MIA2: variants seen among roughly 807,000 people sequenced by gnomAD.
The protein encoded by MIA2 is melanoma inhibitory activity protein 2.
A neutral mutation model predicts 167.8 loss-of-function variants in MIA2; 127 were observed. The ratio of observed to expected loss-of-function variants is 0.76; its 90% confidence interval spans 0.66 to 0.88. The LOEUF (loss-of-function observed/expected upper bound fraction) is 0.88, where lower values mean the gene tolerates loss of function less well. MIA2 is among the 40% of genes least tolerant of loss of function. The probability of loss-of-function intolerance (pLI) is 0.00; values close to 1 mark genes in which losing one functional copy is unlikely to be tolerated. For synonymous variants in MIA2, 552 were observed against 541.9 expected (o/e 1.02, Z -0.26); for missense variants, 1,690 against 1,624.7 (o/e 1.04, Z -0.69).
rs981465030 is a variant in MIA2, at chr14:39,326,879, G to A, written c.3512G>A (p.Gly1171Glu). ...CTTTAATTAGGCTCACGAGGCCCAGGGAATCCTCTGGACCATCAGATTACC... is the reference window on the plus strand; with the variant it reads ...CTTTAATTAGGCTCACGAGGCCCAGAGAATCCTCTGGACCATCAGATTACC... The part of the protein sequence containing the change: ...GGGGRGSRGP[G>E]NPLDHQITNE... Residue 1171 changes from glycine to glutamate, a missense_variant, in exon 25 of 29, where the codon GGG becomes GAG. Physicochemically the swap from Gly to Glu is moderately conservative, Grantham distance 98. Transcript: ENST00000640607. 6.3e-7 allele frequency: 1 copy of A among 1,574,988 alleles called. No individual in the cohort carries two copies. The highest frequency in any genetic ancestry group is 8.6e-7 in the Non-Finnish European group (1 of 1,165,136).
chr14:39,346,320 C>T (rs1383417845), intron 26 of MIA2, among the ~76,000 whole-genome samples: 1 of 152,182 alleles, frequency 6.6e-6, no homozygotes, highest in African/African-American at 2.4e-5. Context: ...AGTCCACTTA[C>T]ATGTGTTCTG....
intron 25 of MIA2, among the ~76,000 whole-genome samples, chr14:39,336,004 C>T (rs116294282): frequency 0.02 from 3,080 of 152,274 alleles, 105 homozygotes; most frequent in African/African-American, 0.068. Context: ...TCCAGTCCAC[C>T]GTTGGTGGGT....
chr14:39,323,222 G>A (rs962776063), intron 24 of MIA2, among the ~76,000 whole-genome samples: 57 of 152,170 alleles, frequency 3.7e-4, no homozygotes, highest in Non-Finnish European at 2.4e-4. Flanking sequence ...ACTTAGAACT[G>A]TTCCTGTCCA....
At chr14:39,305,994 T>C (rs959958395) in intron 17 of MIA2, among the ~76,000 whole-genome samples, 1 of 152,028 alleles carries the variant, frequency 6.6e-6, no homozygotes, top group African/African-American at 2.4e-5. Context: ...GTTGTAGTTT[T>C]CTTGTTTGTT....
intron 6 of MIA2, among the ~76,000 whole-genome samples, chr14:39,273,631 T>C (rs2057505513): frequency 6.6e-6 from 1 of 152,176 alleles, no homozygotes; most frequent in Admixed American, 6.5e-5. Flanking sequence ...CTTAATATGG[T>C]TCATAAGATT....
At chr14:39,243,553 G>A (rs537996209) in intron 3 of MIA2, among the ~76,000 whole-genome samples, 4 of 152,228 alleles carry the variant, frequency 2.6e-5, no homozygotes, top group South Asian at 2.1e-4. Context: ...ACAATTTTAC[G>A]TGACACACGA....
chr14:39,290,307 G>C (rs1354448663), intron 9 of MIA2, among the ~76,000 whole-genome samples: 2 of 151,978 alleles, frequency 1.3e-5, no homozygotes, highest in Non-Finnish European at 2.9e-5. Flanking sequence ...ATAGCTCTCT[G>C]AGGCTTTCAG....
chr14:39,256,816 A>G (rs1001404166), intron 6 of MIA2, among the ~76,000 whole-genome samples: 8 of 152,202 alleles, frequency 5.3e-5, no homozygotes, highest in Admixed American at 3.9e-4. Context: ...TATGCCAAGA[A>G]TAGAATTTCC....
At position 39,294,046 on chromosome 14, in the gene MIA2, A is replaced by G; in HGVS notation, c.2366A>G (p.Lys789Arg). Residue 789 changes from lysine (K) to arginine (R), a missense_variant, in exon 12 of 29, where the codon AAA (lysine) becomes AGA (arginine). By Grantham distance (26) the Lys-to-Arg change is conservative (BLOSUM62 2). Transcript: ENST00000640607. ...KRIQSLEDES[K>R]SLKSQVAEAK... ...ATACAGTCTCTAGAAGATGAGTCAA[A>G]ATCCCTCAAATCACAAGTAGCTGAA... 1.9e-6 allele frequency: 3 copies of G among 1,611,728 alleles called. No homozygotes were observed. The highest frequency in any genetic ancestry group is 2.5e-6 in the Non-Finnish European group (3 of 1,178,712).
intron 6 of MIA2, among the ~76,000 whole-genome samples, chr14:39,273,906 G>A (rs2057542169): frequency 6.6e-6 from 1 of 152,128 alleles, no homozygotes; most frequent in African/African-American, 2.4e-5. Flanking sequence ...AGTGATTGGT[G>A]TTAATGTTTT....
Position 39,361,157 on chromosome 14 carries a change from A to G in MIA2, c.2248+12180A>G, listed in dbSNP as rs536287686. Among the ~76,000 whole-genome samples the G allele has an allele frequency of 5.3e-5, 8 of 152,248 alleles. No individual in the cohort carries two copies. In the South Asian group the frequency reaches 1.5e-3, roughly 28 times the overall value. On this transcript the variant is annotated intron_variant, in intron 23 of 23. Transcript: ENST00000341502. Reference sequence around the variant, plus strand: ...TCTTCTTTGGTTTCATATGAATTTTAGGATTGTTTTTCTATTTCTGTGAAA... The same window carrying G: ...TCTTCTTTGGTTTCATATGAATTTTGGGATTGTTTTTCTATTTCTGTGAAA...
At chr14:39,269,871 AT>A (rs2152698583) in intron 6 of MIA2, among the ~76,000 whole-genome samples, 1 of 152,318 alleles carries the variant, frequency 6.6e-6, no homozygotes, top group African/African-American at 2.4e-5. Context: ...ACTATATCAC[AT>A]TTATGTCATA....
chr14:39,381,200 C>T (rs1251667065), intron 23 of MIA2, among the ~76,000 whole-genome samples: 1 of 152,026 alleles, frequency 6.6e-6, no homozygotes, highest in Non-Finnish European at 1.5e-5. Context: ...TGTTTTAGGT[C>T]CTTCATGCAG....
At chr14:39,266,595 G>A (rs1354126474) in intron 6 of MIA2, 7 of 985,400 alleles carry the variant, frequency 7.1e-6, no homozygotes, top group African/African-American at 5.2e-5. Flanking sequence ...AACCACAGCT[G>A]AGCCGGGACG....
At chr14:39,336,459 C>G (rs1397448583) in intron 25 of MIA2, among the ~76,000 whole-genome samples, 1 of 152,104 alleles carries the variant, frequency 6.6e-6, no homozygotes, top group Non-Finnish European at 1.5e-5. Context: ...GATTTTAAAA[C>G]TTTTAAGTTT....
intron 14 of MIA2, among the ~76,000 whole-genome samples, chr14:39,301,835 A>T (rs937612835): frequency 1.3e-5 from 2 of 152,234 alleles, no homozygotes; most frequent in African/African-American, 4.8e-5. Context: ...TATTTGTGGC[A>T]TGTGAGAAAT....
At chr14:39,354,697 T>A (rs2074476763), downstream of MIA2, among the ~76,000 whole-genome samples, 1 of 152,194 alleles carries the variant, frequency 6.6e-6, no homozygotes, top group Non-Finnish European at 1.5e-5. Flanking sequence ...GTTTTAGGTC[T>A]AACATTTAAG....
At chr14:39,341,316 A>G (rs1305904877) in intron 25 of MIA2, among the ~76,000 whole-genome samples, 1 of 152,102 alleles carries the variant, frequency 6.6e-6, no homozygotes. Flanking sequence ...ATAAATAAAT[A>G]AATAAATGAA....
At chr14:39,315,120 T>TAAAAAA in intron 20 of MIA2, 1 of 105,822 alleles carries the variant, frequency 9.4e-6, no homozygotes. Flanking sequence ...CTGTCTCTAC[T>TAAAAAA]AAAAAAAAAA....
Sources: gnomAD v4.1 joint callset for allele counts (sites outside exome capture counted in the v4.1 genomes callset) on GRCh38, gnomAD v4.1.1 for gene constraint, MANE v1.5 for transcripts, NCBI Gene and HGNC (gene_info 2026-07-23, HGNC 2026-07-21) for gene names.